The following ADCY7 variants were observed in gnomAD, a reference collection of about 807,000 sequenced individuals.
ADCY7 encodes the protein adenylate cyclase 7, also known as adenylate cyclase type 7.
In ADCY7, 72 loss-of-function variants were observed where a neutral mutation model predicts 120.6. That is an observed-to-expected ratio of 0.60 (90% CI 0.49 to 0.73). The LOEUF is 0.73. Among genes scored for constraint, ADCY7 ranks in the 30% least tolerant of loss-of-function variants. The pLI is 0.00. For missense variants in ADCY7, 1,227 were observed against 1,486.0 expected (o/e 0.83, Z 2.87); for synonymous variants, 661 against 628.0 (o/e 1.05, Z -0.78).
intron 1 of ADCY7, among the ~76,000 whole-genome samples, chr16:50,247,410 G>T (rs775326386): frequency 1.3e-5 from 2 of 152,128 alleles, no homozygotes; most frequent in Non-Finnish European, 2.9e-5. Flanking sequence ...CCTCCAGGCT[G>T]AAGTGCAGTG....
chr16:50,313,304 C>T (rs990601036), intron 22 of ADCY7: 1 of 329,646 alleles, frequency 3.0e-6, no homozygotes, highest in Admixed American at 4.2e-5. Context: ...CCTGTAATCC[C>T]AGCTACTTGG....
At chr16:50,262,955 A>G (rs1435176936), upstream of ADCY7, among the ~76,000 whole-genome samples, 1 of 152,172 alleles carries the variant, frequency 6.6e-6, no homozygotes, top group East Asian at 1.9e-4. Context: ...GGGTGAGGGT[A>G]CTCACCATGC....
chr16:50,314,068 C>T lies in ADCY7; in HGVS notation c.2856+6C>T. The T allele has an allele frequency of 6.2e-7, 1 of 1,612,800 alleles. No individual in the cohort carries two copies. On this transcript the variant is annotated splice_donor_region_variant and intron_variant, in intron 23 of 25. Transcript: ENST00000673801. ...CCTCAGGGCACGAGAACCAGGTACT[C>T]AAGCCCAAGAGGTGAAATTCAGCTG...
chr16:50,292,597 C>T lies in ADCY7; in HGVS notation c.538-79C>T, dbSNP rs762789411. 10 of 1,537,216 alleles carry T rather than the reference C, an allele frequency of 6.5e-6. No individual in the cohort carries two copies. The South Asian group carries it at 7.3e-5, about 11-fold the overall frequency. On this transcript the variant is annotated intron_variant, in intron 4 of 25. Transcript: ENST00000673801. ...CAGGGAATGGGAAGAGGTGCCATCA[C>T]TAGTCCGCCTAGGGGTCTGGTGCCT...
In ADCY7 at chr16:50,303,037, G is replaced by A. The variant is rs377339982; in HGVS notation, c.1369-1323G>A. Among the ~76,000 whole-genome samples the A allele has an allele frequency of 5.3e-5, 8 of 152,348 alleles. No individual in the cohort carries two copies. The South Asian group carries it at 1.7e-3, about 32-fold the overall frequency. ...GCCCATTCCGAGTAGGCATGTGTTT[G>A]CTCAGAACTGAGGAATCTGATTTTT... On this transcript the variant is annotated intron_variant, in intron 10 of 25. Transcript: ENST00000673801.
upstream of ADCY7, among the ~76,000 whole-genome samples, chr16:50,263,636 G>C (rs1298055838): frequency 6.6e-6 from 1 of 152,068 alleles, no homozygotes; most frequent in East Asian, 1.9e-4. Flanking sequence ...AGCAGGCAGT[G>C]GGGAACCCCC....
At chr16:50,265,871 G>T (rs763101331), upstream of ADCY7, among the ~76,000 whole-genome samples, 1 of 152,192 alleles carries the variant, frequency 6.6e-6, no homozygotes, top group African/African-American at 2.4e-5. Flanking sequence ...CTGCTCCCTC[G>T]CCACTGAGCG....
chr16:50,294,801 T>C, intron 7 of ADCY7, 50 bp downstream of exon 7: 1 of 1,348,852 alleles, frequency 7.4e-7, no homozygotes, highest in Non-Finnish European at 1.1e-6. Flanking sequence ...CCCCTGCCTA[T>C]TACACCCCAG....
At position 50,312,151 on chromosome 16, in the gene ADCY7, C is replaced by G; in HGVS notation, c.2564C>G (p.Ala855Gly). 6.2e-7 allele frequency: 1 copy of G among 1,614,214 alleles called. No homozygotes were observed. The highest frequency in any genetic ancestry group is 8.5e-7 in the Non-Finnish European group (1 of 1,180,038). ...NRLLLENVLP[A>G]HVAAHFIGDK... ...CTTCTTCTGGAGAACGTCCTGCCAGCCCACGTGGCTGCCCACTTTATCGGT... is the reference window on the plus strand; with the variant it reads ...CTTCTTCTGGAGAACGTCCTGCCAGGCCACGTGGCTGCCCACTTTATCGGT... Residue 855 changes from alanine (A) to glycine (G), a missense_variant, in exon 21 of 26, where the codon GCC becomes GGC. Ala to Gly is a moderately conservative substitution (Grantham distance 60, BLOSUM62 0). Transcript: ENST00000673801.
intron 22 of ADCY7, chr16:50,313,632 G>C (rs1274865976): frequency 3.4e-6 from 1 of 293,350 alleles, no homozygotes; most frequent in South Asian, 1.1e-4. Context: ...AAGCCAAACA[G>C]AGGAAATCAG....
At chr16:50,262,260 CT>C (rs397977712), upstream of ADCY7, among the ~76,000 whole-genome samples, 523 of 142,008 alleles carry the variant, frequency 3.7e-3, no homozygotes, top group Middle Eastern at 3.7e-3. Flanking sequence ...CCTCAGATCT[CT>C]TTTTTTTTTT....
intron 7 of ADCY7, among the ~76,000 whole-genome samples, chr16:50,296,517 T>G (rs2035364041): frequency 6.6e-6 from 1 of 151,994 alleles, no homozygotes; most frequent in Non-Finnish European, 1.5e-5. Context: ...CCACCACGCC[T>G]GGCTAATTTT....
At chr16:50,282,016 G>A (rs1001386861) in intron 1 of ADCY7, among the ~76,000 whole-genome samples, 1 of 152,212 alleles carries the variant, frequency 6.6e-6, no homozygotes, top group Non-Finnish European at 1.5e-5. Flanking sequence ...CCCAGGCAGG[G>A]TGTGGGCCCA....
At chr16:50,279,618 TG>T (rs1408695155) in intron 1 of ADCY7, 1 of 152,260 alleles carries the variant, frequency 6.6e-6, no homozygotes, top group Non-Finnish European at 1.5e-5. Flanking sequence ...TTCTGCCTTC[TG>T]GGAGCTCATT....
At position 50,300,716 on chromosome 16, in the gene ADCY7, C is replaced by A. The variant is rs1338324639; in HGVS notation, c.1078C>A (p.Gln360Lys). The change falls in exon 9 of 26, where the codon CAG becomes AAG. Residue 360 changes from glutamine to lysine, a missense_variant and splice_region_variant. By Grantham distance (53) the Gln-to-Lys change is moderately conservative. This residue lies in a region of ADCY7 where 332 missense variants were observed against 455.8 expected (regional missense o/e 0.73). Transcript: ENST00000673801. ...MGLDMCQAIK[Q>K]VREATGVDIN... The stretch of plus-strand genomic sequence containing the variant: ...GGTGACTGGGCCACTCTGCCCCAGG[C>A]AGGTGCGGGAGGCCACGGGCGTGGA... The A allele has an allele frequency of 1.3e-6, 2 of 1,551,592 alleles. No homozygotes were observed. The highest frequency in any genetic ancestry group is 1.2e-5 in the South Asian group (1 of 84,054).
chr16:50,262,286 C>T (rs1304605785), upstream of ADCY7, among the ~76,000 whole-genome samples: 1 of 148,454 alleles, frequency 6.7e-6, no homozygotes, highest in African/African-American at 2.5e-5. Context: ...GAGACAGGGT[C>T]TCACTTTGTC....
At chr16:50,250,555 G>T (rs972849000) in intron 1 of ADCY7, among the ~76,000 whole-genome samples, 1 of 151,950 alleles carries the variant, frequency 6.6e-6, no homozygotes, top group Non-Finnish European at 1.5e-5. Context: ...GAGGTGGGTG[G>T]ATCAGGAGTG....
At chr16:50,251,455 A>G (rs564661629) in intron 1 of ADCY7, among the ~76,000 whole-genome samples, 5 of 152,320 alleles carry the variant, frequency 3.3e-5, no homozygotes, top group Non-Finnish European at 7.3e-5. Context: ...TCTCCACTTT[A>G]CAGATGACAC....
At chr16:50,269,863 A>G (rs918413996) in intron 1 of ADCY7, among the ~76,000 whole-genome samples, 3 of 152,054 alleles carry the variant, frequency 2.0e-5, no homozygotes, top group Admixed American at 6.6e-5. Context: ...CTAGCCTTTC[A>G]TGGGGTGGGA....
Sources: gnomAD v4.1 joint callset for allele counts (sites outside exome capture counted in the v4.1 genomes callset) on GRCh38, gnomAD v4.1.1 for gene constraint, gnomAD v4.1.1 regional missense constraint, MANE v1.5 for transcripts, NCBI Gene and HGNC (gene_info 2026-07-23, HGNC 2026-07-21) for gene names.